The following CMIP variants were observed in gnomAD, a reference collection of about 807,000 sequenced individuals.
CMIP encodes C-Maf-inducing protein.
In CMIP, 13 loss-of-function variants were observed where a neutral mutation model predicts 97.3. That is an observed-to-expected ratio of 0.13 (90% CI 0.09 to 0.21). The LOEUF (loss-of-function observed/expected upper bound fraction) is 0.21, where lower values mean the gene tolerates loss of function less well. Among genes scored for constraint, CMIP ranks in the 10% least tolerant of loss-of-function variants. The pLI, the probability that CMIP is intolerant of heterozygous loss-of-function variation, is 1.00. For missense variants in CMIP, 847 were observed against 1,024.9 expected, an observed-to-expected ratio of 0.83 and a Z score of 2.37; for synonymous variants, 538 against 436.3, an observed-to-expected ratio of 1.23 and a Z score of -2.91.
intron 1 of CMIP, among the ~76,000 whole-genome samples, chr16:81,557,138 T>C (rs1415015406): frequency 1.3e-5 from 2 of 152,218 alleles, no homozygotes; most frequent in Admixed American, 6.5e-5. Context: ...ACCAGAATCC[T>C]CTCTACTGTC....
At chr16:81,575,426 G>C (rs2091171722) in intron 1 of CMIP, among the ~76,000 whole-genome samples, 1 of 152,174 alleles carries the variant, frequency 6.6e-6, no homozygotes, top group Non-Finnish European at 1.5e-5. Context: ...TCAGAGCAGG[G>C]GTGACACATG....
intron 5 of CMIP, among the ~76,000 whole-genome samples, chr16:81,660,574 C>G (rs189853427): frequency 6.6e-6 from 1 of 152,250 alleles, no homozygotes; most frequent in Admixed American, 6.5e-5. Flanking sequence ...TGCGCCCAGC[C>G]AATTTTGCAA....
intron 3 of CMIP, among the ~76,000 whole-genome samples, chr16:81,644,628 C>G (rs1250587201): frequency 6.6e-6 from 1 of 152,204 alleles, no homozygotes; most frequent in Non-Finnish European, 1.5e-5. Flanking sequence ...AGTGTCCAGT[C>G]CTCCCGGAAG....
intron 1 of CMIP, among the ~76,000 whole-genome samples, chr16:81,478,669 C>T (rs984156297): frequency 3.3e-5 from 5 of 152,176 alleles, no homozygotes; most frequent in African/African-American, 9.7e-5. Context: ...CAGAGCCTCC[C>T]GGTGGGAAGA....
At chr16:81,605,694 T>C (rs1567606437) in intron 1 of CMIP, among the ~76,000 whole-genome samples, 1 of 152,224 alleles carries the variant, frequency 6.6e-6, no homozygotes, top group Admixed American at 6.5e-5. Context: ...TGTGACACTC[T>C]TTACTCCTGC....
intron 1 of CMIP, among the ~76,000 whole-genome samples, chr16:81,564,742 C>T (rs1186162619): frequency 6.6e-6 from 1 of 152,120 alleles, no homozygotes; most frequent in African/African-American, 2.4e-5. Flanking sequence ...AAATTGGGGA[C>T]TAGGGGAAGA....
chr16:81,599,712 CTT>C (rs2091625100), intron 1 of CMIP, among the ~76,000 whole-genome samples: 1 of 152,196 alleles, frequency 6.6e-6, no homozygotes, highest in Non-Finnish European at 1.5e-5. Flanking sequence ...CTGGGCCTGT[CTT>C]ATAAGAGCAG....
intron 1 of CMIP, among the ~76,000 whole-genome samples, chr16:81,512,693 CTTT>C (rs1224726285): frequency 2.0e-5 from 3 of 151,528 alleles, no homozygotes; most frequent in Admixed American, 2.0e-4. Flanking sequence ...TGATGAATTT[CTTT>C]TTTATTAATA....
chr16:81,693,997 CT>C (rs776292616), intron 13 of CMIP, among the ~76,000 whole-genome samples: 1 of 152,208 alleles, frequency 6.6e-6, no homozygotes, highest in Non-Finnish European at 1.5e-5. Context: ...GGGCAGGGAC[CT>C]AGGCAGGCAA....
intron 1 of CMIP, among the ~76,000 whole-genome samples, chr16:81,512,229 T>C (rs751717297): frequency 6.6e-6 from 1 of 152,198 alleles, no homozygotes. Flanking sequence ...ATTTTCGGCA[T>C]GATTCCTCTC....
At chr16:81,667,607 C>T (rs1438633345) in intron 7 of CMIP, among the ~76,000 whole-genome samples, 1 of 152,112 alleles carries the variant, frequency 6.6e-6, no homozygotes, top group Non-Finnish European at 1.5e-5. Flanking sequence ...TCATAAAACC[C>T]TCGTGGTGGA....
intron 3 of CMIP, among the ~76,000 whole-genome samples, chr16:81,622,503 G>A (rs774188291): frequency 9.9e-5 from 15 of 152,226 alleles, no homozygotes; most frequent in African/African-American, 2.4e-4. Flanking sequence ...AGGACTGAGC[G>A]GTGTTGGTCA....
chr16:81,616,405 G>A lies in CMIP; in HGVS notation c.427-4471G>A, dbSNP rs896860845. ...GCAGAGGCACCCCACTGCCTGCTCC[G>A]AGCCTCAGCTTCCTCATCTGTAAGA... On this transcript the variant is annotated intron_variant, in intron 2 of 20. Transcript: ENST00000537098. This position sits in a 1 kb window ranked among gnomAD's most constrained non-coding sequence, Gnocchi z 4.7. 3.9e-5 allele frequency among the ~76,000 whole-genome samples: 6 copies of A among 152,194 alleles called. No individual in the cohort carries two copies. Among genetic ancestry groups the A allele is most frequent in the Admixed American group, 2.6e-4 (4 of 15,286 alleles).
chr16:81,688,926 C>G (rs530360784), intron 10 of CMIP, among the ~76,000 whole-genome samples: 3 of 152,152 alleles, frequency 2.0e-5, no homozygotes, highest in Non-Finnish European at 2.9e-5. Flanking sequence ...TCTGTCCTTG[C>G]GATAGTTTGC....
intron 1 of CMIP, among the ~76,000 whole-genome samples, chr16:81,467,586 T>A (rs918300635): frequency 2.1e-5 from 3 of 145,386 alleles, no homozygotes; most frequent in African/African-American, 7.5e-5. Context: ...TTCTTCTTTA[T>A]TTTTTTTTTT....
intron 1 of CMIP, chr16:81,476,495 CAG>C: frequency 1.4e-6 from 1 of 718,096 alleles, no homozygotes; most frequent in South Asian, 1.4e-5. Context: ...ACAGCGATGT[CAG>C]AGAACACAGT....
In CMIP at chr16:81,664,405, G is replaced by A. The variant is rs1036242785; in HGVS notation, c.825+56G>A. 2.2e-5 allele frequency: 33 copies of A among 1,514,206 alleles called. No homozygotes were observed. The African/African-American group carries it at 2.2e-4, about 10-fold the overall frequency. 93.8% of individuals were successfully genotyped at this position (1,514,206 alleles called of 1,614,324 possible). On this transcript the variant is annotated intron_variant, in intron 7 of 20. Coordinates refer to ENST00000537098, the MANE Select transcript of CMIP (RefSeq NM_198390.3). ...CAGCGCCCAGAACATGAGGCCCCGCGCGCCTCCCTGGCCTTTTGCGTTGGC... is the reference window on the plus strand; with the variant it reads ...CAGCGCCCAGAACATGAGGCCCCGCACGCCTCCCTGGCCTTTTGCGTTGGC...
chr16:81,487,535 A>C (rs1037396969), intron 1 of CMIP, among the ~76,000 whole-genome samples: 1 of 152,174 alleles, frequency 6.6e-6, no homozygotes, highest in African/African-American at 2.4e-5. Context: ...CGTGGCTTCC[A>C]GGCAGCAACT....
At chr16:81,595,641 G>C (rs867576907) in intron 1 of CMIP, among the ~76,000 whole-genome samples, 1 of 151,994 alleles carries the variant, frequency 6.6e-6, no homozygotes, top group Non-Finnish European at 1.5e-5. Context: ...TGCCCACCTC[G>C]GCTTCCCAAA....
Sources: gnomAD v4.1 joint callset for allele counts (sites outside exome capture counted in the v4.1 genomes callset) on GRCh38, gnomAD v4.1.1 for gene constraint, Gnocchi (gnomAD v3.1) non-coding constraint, MANE v1.5 for transcripts, NCBI Gene and HGNC (gene_info 2026-07-23, HGNC 2026-07-21) for gene names.